Variants in KL observed in about 807,000 individuals in gnomAD.
The protein encoded by KL is alpha-klotho.
A neutral mutation model predicts 84.2 loss-of-function variants in KL; 62 were observed. The ratio of observed to expected loss-of-function variants is 0.74; its 90% CI spans 0.60 to 0.91. KL has a LOEUF of 0.91. KL is among the 40% of genes least tolerant of loss of function. The pLI, the probability that KL is intolerant of heterozygous loss-of-function variation, is 0.00. For missense variants in KL, 1,261 were observed against 1,305.7 expected (o/e 0.97, Z 0.53); for synonymous variants, 528 against 528.0 (o/e 1.00, Z 0.00).
In KL at chr13:33,061,057, C is replaced by A. The variant is rs202107489; in HGVS notation, c.1978C>A (p.Pro660Thr). 3.7e-6 allele frequency: 6 copies of A among 1,612,386 alleles called. No individual in the cohort carries two copies. The highest frequency in any genetic ancestry group is 5.1e-6 in the Non-Finnish European group (6 of 1,178,796). Residue 660 changes from proline to threonine, a missense_variant, in exon 4 of 5, where the codon CCC (proline) becomes ACC (threonine). By Grantham distance (38) the Pro-to-Thr change is conservative. Coordinates refer to ENST00000380099, the MANE Select transcript of KL (RefSeq NM_004795.4). ...LLARQGAWEN[P>T]YTALAFAEYA... ...GGCCAGGCAGGGCGCCTGGGAGAAC[C>A]CCTACACTGCCCTGGCCTTTGCAGA... is the stretch of plus-strand genomic sequence containing the variant.
In KL at chr13:33,017,110, T is replaced by G; in HGVS notation, c.670T>G (p.Phe224Val). Residue 224 changes from phenylalanine to valine, a missense_variant, in exon 1 of 5, where the codon TTC (phenylalanine) becomes GTC (valine). Phe to Val is a conservative substitution (Grantham distance 50). Coordinates refer to ENST00000380099, the MANE Select transcript of KL (RefSeq NM_004795.4). ...DHFRDYAELC[F>V]RHFGGQVKYW... ...CTTCAGGGATTACGCGGAGCTCTGC[T>G]TCCGCCACTTCGGCGGTCAGGTCAA... 6.2e-7 allele frequency: 1 copy of G among 1,604,962 alleles called. No individual in the cohort carries two copies. Among genetic ancestry groups the G allele is most frequent in the East Asian group, 2.2e-5 (1 of 44,852 alleles).
Position 33,042,623 on chromosome 13 carries a change from T to A in KL, c.820-11144T>A, listed in dbSNP as rs1306509986. On this transcript the variant is annotated intron_variant, in intron 1 of 4. Coordinates refer to ENST00000380099, the MANE Select transcript of KL (RefSeq NM_004795.4). ...AAACCACACTGTTTATACATTCTCC[T>A]GTGAATGGACATTTGTGTTGTTTTC... 2.0e-5 allele frequency among the ~76,000 whole-genome samples: 3 copies of A among 152,236 alleles called. No individual in the cohort carries two copies. In the South Asian group the frequency reaches 6.2e-4, roughly 32 times the overall value.
chr13:33,042,779 C>G (rs1480726915), intron 1 of KL, among the ~76,000 whole-genome samples: 1 of 152,022 alleles, frequency 6.6e-6, no homozygotes, highest in East Asian at 1.9e-4. Flanking sequence ...CCACGTGGGT[C>G]CAAGCGATTC....
intron 3 of KL, 131 bp from the exon 4 acceptor site, chr13:33,060,548 T>C (rs1872136128): frequency 1.0e-6 from 1 of 990,170 alleles, no homozygotes; most frequent in Non-Finnish European, 1.6e-6. Context: ...TTATGAAAAA[T>C]AGTTCACATT....
intron 1 of KL, among the ~76,000 whole-genome samples, chr13:33,039,591 A>G (rs1370607962): frequency 2.0e-5 from 3 of 152,090 alleles, no homozygotes; most frequent in African/African-American, 4.8e-5. Flanking sequence ...CACAGGGGAG[A>G]TGGGAATTGA....
At chr13:33,025,349 G>A (rs1042714140) in intron 1 of KL, among the ~76,000 whole-genome samples, 2 of 152,196 alleles carry the variant, frequency 1.3e-5, no homozygotes, top group African/African-American at 4.8e-5. Context: ...TTCTGTGGTT[G>A]CAGCATGAAT....
Position 33,054,231 on chromosome 13 carries a change from CAAATA to C in KL, c.1285_1289del (p.Lys429TyrfsTer50), listed in dbSNP as rs1871868637. The C allele has an allele frequency of 4.3e-6, 7 of 1,613,038 alleles. No homozygotes were observed. Among genetic ancestry groups the C allele is most frequent in the Non-Finnish European group, 5.9e-6 (7 of 1,179,770 alleles). ...CAGGGACCACCAAGAGAGATGATGC[CAAATA>C]TATGTATTACCTCAAAAAGTTCATC... On this transcript the variant is annotated frameshift_variant, in exon 2 of 5. Coordinates refer to ENST00000380099, the MANE Select transcript of KL (RefSeq NM_004795.4). LOFTEE classifies it high-confidence loss of function.
At chr13:33,043,500 G>A (rs371234722) in intron 1 of KL, among the ~76,000 whole-genome samples, 1 of 152,176 alleles carries the variant, frequency 6.6e-6, no homozygotes, top group Admixed American at 6.5e-5. Flanking sequence ...GATTATAGGC[G>A]TGAGTCACTG....
intron 1 of KL, among the ~76,000 whole-genome samples, chr13:33,036,216 G>A (rs901575616): frequency 6.6e-6 from 1 of 152,136 alleles, no homozygotes; most frequent in African/African-American, 2.4e-5. Context: ...GAAGAAAAGG[G>A]ACTTTACGAC....
chr13:33,038,912 T>G (rs1254289156), intron 1 of KL, among the ~76,000 whole-genome samples: 2 of 152,200 alleles, frequency 1.3e-5, no homozygotes, highest in African/African-American at 4.8e-5. Context: ...TTTTAAAAAA[T>G]TTGTGTTTTC....
At chr13:33,059,543 G>T (rs1378152287) in intron 3 of KL, among the ~76,000 whole-genome samples, 2 of 151,846 alleles carry the variant, frequency 1.3e-5, no homozygotes, top group Non-Finnish European at 2.9e-5. Flanking sequence ...CATGATCCTG[G>T]CTCACTGCAA....
At position 33,063,884 on chromosome 13, in the gene KL, T is replaced by C. The variant is rs1238278463; in HGVS notation, c.2737T>C (p.Phe913Leu). 4.3e-6 allele frequency: 7 copies of C among 1,614,230 alleles called. No individual in the cohort carries two copies. Among genetic ancestry groups the C allele is most frequent in the Non-Finnish European group, 5.1e-6 (6 of 1,180,040 alleles). Residue 913 changes from phenylalanine to leucine, a missense_variant, in exon 5 of 5, where the codon TTT becomes CTT. Coordinates refer to ENST00000380099, the MANE Select transcript of KL (RefSeq NM_004795.4). ...ILDGINLCGY[F>L]AYSFNDRTAP... is the part of the protein sequence containing the mutation. ...GGATGGTATCAATCTTTGCGGATAC[T>C]TTGCTTATTCGTTTAACGACCGCAC...
Position 33,054,183 on chromosome 13 carries a change from T to C in KL, c.1236T>C (p.Ile412=). The C allele has an allele frequency of 6.2e-7, 1 of 1,613,946 alleles. No individual in the cohort carries two copies. The highest frequency in any genetic ancestry group is 1.1e-5 in the South Asian group (1 of 91,054). ...DLEFNHPQIF[I]VENGWFVSGT... ...AATTTAACCATCCTCAAATATTTAT[T>C]GTGGAAAATGGCTGGTTTGTCTCAG... The change falls in exon 2 of 5, where the codon ATT becomes ATC. Residue 412 remains isoleucine, a synonymous_variant. Transcript: ENST00000380099.
In KL at chr13:33,042,156, G is replaced by GT. The variant is rs1272034233; in HGVS notation, c.820-11610dup. ...TCAGTATTCTCTTGCCACATAAATT[G>GT]TAGGTAATTATATTTCTATACCTGA... On this transcript the variant is annotated intron_variant, in intron 1 of 4. Coordinates refer to ENST00000380099, the MANE Select transcript of KL (RefSeq NM_004795.4). Among the ~76,000 whole-genome samples the GT allele has an allele frequency of 2.0e-5, 3 of 152,222 alleles. No individual in the cohort carries two copies. In the East Asian group the frequency reaches 5.8e-4, roughly 29 times the overall value.
In KL at chr13:33,055,175, A is replaced by G; in HGVS notation, c.1459A>G (p.Met487Val). The change falls in exon 3 of 5, where the codon ATG (methionine) becomes GTG (valine). Residue 487 changes from methionine to valine, a missense_variant. Coordinates refer to ENST00000380099, the MANE Select transcript of KL (RefSeq NM_004795.4). ...FYVDFLSQDKMLLPKSSALFY... is the reference protein window; with the variant it reads ...FYVDFLSQDKVLLPKSSALFY... ...TGTTGACTTTCTAAGCCAGGACAAG[A>G]TGTTGTTGCCAAAGTCTTCAGCCTT... 6.2e-7 allele frequency: 1 copy of G among 1,614,214 alleles called. No homozygotes were observed.
chr13:33,024,849 A>G (rs526906), intron 1 of KL, among the ~76,000 whole-genome samples: 112,116 of 152,002 alleles, frequency 0.74, 43,347 homozygotes, highest in Middle Eastern at 0.85. Context: ...CTCACTCCCG[A>G]CTCAACTACA....
intron 1 of KL, among the ~76,000 whole-genome samples, chr13:33,022,695 A>G (rs1288652809): frequency 6.6e-6 from 1 of 152,230 alleles, no homozygotes; most frequent in Non-Finnish European, 1.5e-5. Flanking sequence ...TGCAATAACC[A>G]CAGGTAGAAT....
In KL at chr13:33,037,993, T is replaced by C. The variant is rs908114482; in HGVS notation, c.820-15774T>C. On this transcript the variant is annotated intron_variant, in intron 1 of 4. Transcript: ENST00000380099. Reference sequence around the variant, plus strand: ...CTCAGATTGCCCTGTTGTTTTGCTTTTCAGTAGTCATCACCTTTGTCCAGA... The same window carrying C: ...CTCAGATTGCCCTGTTGTTTTGCTTCTCAGTAGTCATCACCTTTGTCCAGA... Among the ~76,000 whole-genome samples, 5 of 152,236 alleles carry C rather than the reference T, an allele frequency of 3.3e-5. No individual in the cohort carries two copies. In the South Asian group the frequency reaches 1.0e-3, roughly 32 times the overall value.
Position 33,063,988 on chromosome 13 carries a change from T to C in KL, c.2841T>C (p.Ile947=), listed in dbSNP as rs1872311663. The C allele has an allele frequency of 6.2e-7, 1 of 1,614,016 alleles. No homozygotes were observed. Among genetic ancestry groups the C allele is most frequent in the Admixed American group, 1.7e-5 (1 of 59,998 alleles). Residue 947 remains isoleucine (I), a synonymous_variant, in exon 5 of 5, where the codon ATT becomes ATC. Coordinates refer to ENST00000380099, the MANE Select transcript of KL (RefSeq NM_004795.4). ...CATCCATGAAACATTACAGGAAAATTATTGACAGCAATGGTTTCCCGGGCC... is the reference window on the plus strand; with the variant it reads ...CATCCATGAAACATTACAGGAAAATCATTGACAGCAATGGTTTCCCGGGCC... ...PKASMKHYRK[I]IDSNGFPGPE...
Sources: allele counts gnomAD v4.1 joint callset (sites outside exome capture counted in the v4.1 genomes callset), GRCh38; gene constraint gnomAD v4.1.1; transcripts MANE v1.5; gene names NCBI Gene and HGNC (gene_info 2026-07-23, HGNC 2026-07-21).